The following DLG1 variants were observed in gnomAD, a reference collection of about 807,000 sequenced individuals.
The protein encoded by DLG1 is discs large MAGUK scaffold protein 1.
A neutral mutation model predicts 123.4 loss-of-function variants in DLG1; 42 were observed. That is an observed-to-expected ratio of 0.34 (90% CI 0.27 to 0.44). DLG1 has a LOEUF of 0.44. Ranked by LOEUF, DLG1 falls within the 20% of genes least tolerant of loss-of-function variation. DLG1 has a pLI of 1.00. For missense variants in DLG1, 942 were observed against 1,082.6 expected (o/e 0.87, Z 1.82); for synonymous variants, 317 against 356.2 (o/e 0.89, Z 1.24).
chr3:197,185,281 A>G (rs1715185943), intron 5 of DLG1, among the ~76,000 whole-genome samples: 1 of 152,206 alleles, frequency 6.6e-6, no homozygotes, highest in African/African-American at 2.4e-5. Flanking sequence ...CCTTTTGTCA[A>G]ACTACAATGT....
rs187563993 is a variant in DLG1, at chr3:197,271,345, A to G, written c.318+11334T>C. On this transcript the variant is annotated intron_variant, in intron 4 of 24. Coordinates refer to ENST00000667157, the MANE Select transcript of DLG1 (RefSeq NM_001366207.1). Reference sequence around the variant, plus strand: ...TAACATGCAGTACAAATGGCTTCTCAGGGATGCAATACCAAGGATACAAAA... The same window carrying G: ...TAACATGCAGTACAAATGGCTTCTCGGGGATGCAATACCAAGGATACAAAA... Among the ~76,000 whole-genome samples the G allele has an allele frequency of 4.2e-4, 64 of 152,330 alleles. No homozygotes were observed. In the East Asian group the frequency reaches 0.01, roughly 24 times the overall value.
chr3:197,282,863 A>T lies in DLG1; in HGVS notation c.152-18T>A. On this transcript the variant is annotated intron_variant, in intron 3 of 24. Transcript: ENST00000667157. ...TTGAATATCTAGAAGAAGGAAAATAAAAATTCATAAGTATTTATATTTTCT... is the reference window on the plus strand; with the variant it reads ...TTGAATATCTAGAAGAAGGAAAATATAAATTCATAAGTATTTATATTTTCT... 7.1e-7 allele frequency: 1 copy of T among 1,410,710 alleles called. No homozygotes were observed. Among genetic ancestry groups the T allele is most frequent in the Non-Finnish European group, 9.7e-7 (1 of 1,027,924 alleles). 87.4% of individuals were successfully genotyped at this position (1,410,710 alleles called of 1,614,324 possible). A position where few individuals can be genotyped will look rare whatever the true frequency, so the allele number is the denominator to read the frequency against.
chr3:197,099,704 CTCT>C (rs1762446024), intron 14 of DLG1, among the ~76,000 whole-genome samples: 1 of 152,174 alleles, frequency 6.6e-6, no homozygotes, highest in African/African-American at 2.4e-5. Flanking sequence ...CTTCCTCAAT[CTCT>C]TCTTAACATG....
intron 22 of DLG1, among the ~76,000 whole-genome samples, chr3:197,060,385 T>C (rs6583193): frequency 0.75 from 114,534 of 151,946 alleles, 43,340 homozygotes; most frequent in East Asian, 0.82. Context: ...CCTCCCACCT[T>C]AGCCTCCCGA....
intron 10 of DLG1, among the ~76,000 whole-genome samples, chr3:197,131,136 AATTT>A (rs1421866622): frequency 5.9e-5 from 9 of 152,314 alleles, no homozygotes; most frequent in South Asian, 2.1e-4. Flanking sequence ...GCTATATCAT[AATTT>A]ATTAAAGATC....
intron 11 of DLG1, among the ~76,000 whole-genome samples, chr3:197,124,214 G>A (rs763576526): frequency 5.9e-5 from 9 of 152,236 alleles, no homozygotes; most frequent in Non-Finnish European, 7.3e-5. Flanking sequence ...CTGAGCAGCT[G>A]AGTGAGATCC....
intron 10 of DLG1, among the ~76,000 whole-genome samples, chr3:197,132,514 T>C (rs1176129680): frequency 1.3e-5 from 2 of 152,248 alleles, no homozygotes; most frequent in African/African-American, 4.8e-5. Flanking sequence ...CTCAGCAGCA[T>C]GGTCATTTTT....
At chr3:197,133,779 G>A (rs370536212) in intron 10 of DLG1, among the ~76,000 whole-genome samples, 10 of 152,264 alleles carry the variant, frequency 6.6e-5, no homozygotes, top group African/African-American at 2.2e-4. Context: ...AATGAAGAGT[G>A]GCTACTAAGA....
intron 4 of DLG1, 48 bp from the exon 5 acceptor site, chr3:197,194,637 T>C: frequency 7.2e-7 from 1 of 1,383,052 alleles, no homozygotes; most frequent in Non-Finnish European, 9.9e-7. Context: ...AACATGAGTT[T>C]AATTCAAATC....
intron 4 of DLG1, among the ~76,000 whole-genome samples, chr3:197,205,572 T>C (rs1728098729): frequency 1.3e-5 from 2 of 152,180 alleles, no homozygotes; most frequent in South Asian, 4.1e-4. Flanking sequence ...ACACATCCAT[T>C]ATGATGAAAA....
chr3:197,130,682 T>C lies in DLG1; in HGVS notation c.1021-11A>G. 1.9e-6 allele frequency: 3 copies of C among 1,580,198 alleles called. No individual in the cohort carries two copies. Among genetic ancestry groups the C allele is most frequent in the Non-Finnish European group, 2.6e-6 (3 of 1,165,758 alleles). The stretch of plus-strand genomic sequence containing the variant: ...ACATACGTTATTCACCTAAAAAAAG[T>C]CCCAAAAGACATTTATGACATATTC... On this transcript the variant is annotated splice_polypyrimidine_tract_variant and intron_variant, in intron 10 of 24. Transcript: ENST00000667157.
At chr3:197,109,841 T>C (rs145941351) in intron 13 of DLG1, among the ~76,000 whole-genome samples, 2 of 152,358 alleles carry the variant, frequency 1.3e-5, no homozygotes, top group African/African-American at 4.8e-5. Flanking sequence ...CTGACCTCCA[T>C]GGTTTCTGAT....
At chr3:197,104,786 G>GA (rs975113831) in intron 14 of DLG1, 117 bp downstream of exon 14, 16 of 725,582 alleles carry the variant, frequency 2.2e-5, no homozygotes, top group African/African-American at 5.5e-5. Flanking sequence ...TAGCAAATCA[G>GA]AAAAAAAGCA....
At chr3:197,237,706 G>A (rs1259914656) in intron 4 of DLG1, among the ~76,000 whole-genome samples, 1 of 152,184 alleles carries the variant, frequency 6.6e-6, no homozygotes, top group Non-Finnish European at 1.5e-5. Flanking sequence ...CCACTGGCCG[G>A]GGGTAGAGGG....
chr3:197,289,366 A>ACACG (rs953078188), intron 3 of DLG1, among the ~76,000 whole-genome samples: 4 of 152,126 alleles, frequency 2.6e-5, no homozygotes, highest in African/African-American at 9.7e-5. Context: ...ACACACACAC[A>ACACG]CAAATAACAT....
At chr3:197,049,389 A>C (rs1168086291) in intron 24 of DLG1, among the ~76,000 whole-genome samples, 1 of 152,268 alleles carries the variant, frequency 6.6e-6, no homozygotes, top group Non-Finnish European at 1.5e-5. Flanking sequence ...AGTATGTTGA[A>C]ATCTGCACTC....
chr3:197,231,395 C>A (rs1742937045), intron 4 of DLG1, among the ~76,000 whole-genome samples: 1 of 152,160 alleles, frequency 6.6e-6, no homozygotes, highest in Non-Finnish European at 1.5e-5. Context: ...CAACTGATTA[C>A]ATTTTGTTGT....
At position 197,215,384 on chromosome 3, in the gene DLG1, A is replaced by AT. The variant is rs555142230; in HGVS notation, c.319-20796dup. ...ACTCCTGTATCATACCAAAACAAAA[A>AT]TTTCAGGCAGATTTGAGATCTCAAT... On this transcript the variant is annotated intron_variant, in intron 4 of 24. Transcript: ENST00000667157. Among the ~76,000 whole-genome samples the AT allele has an allele frequency of 1.1e-3, 169 of 152,290 alleles. 1 individual carries two copies. The highest frequency in any genetic ancestry group is 3.6e-3 in the African/African-American group (151 of 41,578).
intron 14 of DLG1, among the ~76,000 whole-genome samples, chr3:197,096,700 T>C (rs1201164162): frequency 6.6e-6 from 1 of 152,248 alleles, no homozygotes; most frequent in Non-Finnish European, 1.5e-5. Flanking sequence ...TTTCTACTAA[T>C]TTTCTGAGTT....
Sources: allele counts gnomAD v4.1 joint callset (sites outside exome capture counted in the v4.1 genomes callset), GRCh38; gene constraint gnomAD v4.1.1; transcripts MANE v1.5; gene names NCBI Gene and HGNC (gene_info 2026-07-23, HGNC 2026-07-21).